PCDHGA6: variants seen among roughly 807,000 people sequenced by gnomAD.
PCDHGA6 encodes protocadherin gamma-A6.
In PCDHGA6, 41 loss-of-function variants were observed where a neutral mutation model predicts 60.6. The observed-to-expected ratio is 0.68, with a 90% confidence interval of 0.53 to 0.88. The LOEUF is 0.88. Ranked by LOEUF, PCDHGA6 falls within the 40% of genes least tolerant of loss-of-function variation. PCDHGA6 has a pLI of 0.00. For synonymous variants in PCDHGA6, 594 were observed against 524.4 expected (o/e 1.13, Z -1.81); for missense variants, 1,312 against 1,203.0 (o/e 1.09, Z -1.34).
chr5:141,430,944 G>C (rs1417018095), intron 1 of PCDHGA6: 1 of 1,609,214 alleles, frequency 6.2e-7, no homozygotes, highest in Non-Finnish European at 8.5e-7. Flanking sequence ...CTCGCGGAGC[G>C]CGGAGTCCGC....
At chr5:141,506,444 CAAAA>C (rs1219684339) in intron 3 of PCDHGA6, among the ~76,000 whole-genome samples, 5 of 95,022 alleles carry the variant, frequency 5.3e-5, no homozygotes, top group Admixed American at 1.1e-4. Context: ...CGCTCTGTCT[CAAAA>C]AAAAAAAAAA....
At chr5:141,393,363 A>T (rs1464639963) in intron 1 of PCDHGA6, 1 of 1,613,930 alleles carries the variant, frequency 6.2e-7, no homozygotes, top group South Asian at 1.1e-5. Flanking sequence ...GGACGTGCAG[A>T]CTGGAGACAA....
At chr5:141,456,918 G>C (rs535602842) in intron 1 of PCDHGA6, among the ~76,000 whole-genome samples, 49 of 152,124 alleles carry the variant, frequency 3.2e-4, no homozygotes, top group African/African-American at 1.2e-3. Context: ...AGCCGAGATC[G>C]CACCACTGCA....
At chr5:141,384,442 T>G in intron 1 of PCDHGA6, 15 of 1,614,046 alleles carry the variant, frequency 9.3e-6, no homozygotes, top group Non-Finnish European at 1.3e-5. Context: ...TGGAGTCCTG[T>G]ACGCGCTGCA....
Position 141,487,165 on chromosome 5 carries a change from C to T in PCDHGA6, c.2425-7642C>T, listed in dbSNP as rs1014219030. The T allele has an allele frequency of 1.9e-6, 3 of 1,612,932 alleles. No homozygotes were observed. The highest frequency in any genetic ancestry group is 2.5e-6 in the Non-Finnish European group (3 of 1,178,918). On this transcript the variant is annotated intron_variant, in intron 1 of 3. Coordinates refer to ENST00000517434, the MANE Select transcript of PCDHGA6 (RefSeq NM_018919.3). The surrounding 1 kb of genome is among the most constrained non-coding windows in gnomAD (Gnocchi z 5.0). ...CTACCTCTGTTACTCTCTTAGTGTC[C>T]TTAGAGGAAGACACTCATCCAGTTG...
chr5:141,392,862 T>C (rs1334405895), intron 1 of PCDHGA6: 2 of 1,612,696 alleles, frequency 1.2e-6, no homozygotes, highest in Non-Finnish European at 1.7e-6. Flanking sequence ...GATCCTGCTG[T>C]GCGCGCTGCT....
At chr5:141,404,892 A>T in intron 1 of PCDHGA6, 1 of 1,613,880 alleles carries the variant, frequency 6.2e-7, no homozygotes, top group African/African-American at 1.3e-5. Context: ...GTGGCTGTAC[A>T]GGACCATGGC....
chr5:141,376,721 C>T (rs938507888), intron 1 of PCDHGA6: 2 of 596,528 alleles, frequency 3.4e-6, no homozygotes, highest in Admixed American at 3.5e-5. Context: ...GCTCTGTCGC[C>T]CAGGCCGGAC....
intron 1 of PCDHGA6, chr5:141,392,992 C>T (rs1233401263): frequency 1.2e-6 from 2 of 1,613,700 alleles, no homozygotes; most frequent in Non-Finnish European, 8.5e-7. Flanking sequence ...CGGAAGCTGG[C>T]GAAGCACGGA....
rs1338955892 is a variant in PCDHGA6, at chr5:141,502,521, T to C, written c.2484-2872T>C. 5.9e-5 allele frequency among the ~76,000 whole-genome samples: 9 copies of C among 152,338 alleles called. No homozygotes were observed. In the East Asian group the frequency reaches 1.7e-3, roughly 29 times the overall value. The stretch of plus-strand genomic sequence containing the variant: ...CGTCGGCCTGTCCCACTATCAGTGA[T>C]GCCGAGTTTGTTCGTGTGGTAAAAA... On this transcript the variant is annotated intron_variant, in intron 2 of 3. Transcript: ENST00000517434.
At position 141,385,121 on chromosome 5, in the gene PCDHGA6, T is replaced by C. The variant is rs748623262; in HGVS notation, c.2424+8614T>C. On this transcript the variant is annotated intron_variant, in intron 1 of 3. Transcript: ENST00000517434. The stretch of plus-strand genomic sequence containing the variant: ...GCGAACGTGCCCACCTCGCACTTTG[T>C]GGGCATGGACGGGGTGCAGGCTTTC... 14 of 1,614,214 alleles carry C rather than the reference T, an allele frequency of 8.7e-6. No homozygotes were observed. The Admixed American group carries it at 2.3e-4, about 27-fold the overall frequency.
intron 1 of PCDHGA6, chr5:141,418,093 C>G: frequency 8.1e-6 from 13 of 1,614,032 alleles, no homozygotes; most frequent in Non-Finnish European, 1.1e-5. Flanking sequence ...TCAGCGTAGA[C>G]GCGCAGAGCG....
At position 141,387,642 on chromosome 5, in the gene PCDHGA6, C is replaced by A. The variant is rs554256672; in HGVS notation, c.2424+11135C>A. The A allele has an allele frequency of 6.9e-5, 43 of 622,250 alleles. No homozygotes were observed. In the African/African-American group the frequency reaches 7.8e-4, roughly 11 times the overall value. 38.5% of individuals were successfully genotyped at this position (622,250 alleles called of 1,614,324 possible). On this transcript the variant is annotated intron_variant, in intron 1 of 3. Transcript: ENST00000517434. ...TGCTGACTCTGGGCGCCGCTGTTGG[C>A]CAAAGTGGAGAGCTTGGCGCTCCAG...
intron 1 of PCDHGA6, chr5:141,414,130 T>C (rs761622500): frequency 6.3e-7 from 1 of 1,594,602 alleles, no homozygotes; most frequent in South Asian, 1.1e-5. Context: ...AACCGGTTTC[T>C]ATGAAATAGA....
At chr5:141,381,826 CTT>C (rs770630741) in intron 1 of PCDHGA6, among the ~76,000 whole-genome samples, 2,382 of 74,222 alleles carry the variant, frequency 0.032, 21 homozygotes, top group African/African-American at 0.07. Context: ...CTTTCTTCTT[CTT>C]TTTTTTTTTT....
intron 1 of PCDHGA6, chr5:141,410,353 C>T: frequency 1.9e-6 from 3 of 1,614,078 alleles, no homozygotes; most frequent in Non-Finnish European, 2.5e-6. Flanking sequence ...GCCTGCGACG[C>T]TCTCTCAGCC....
At chr5:141,504,017 T>G (rs1186684262) in intron 2 of PCDHGA6, among the ~76,000 whole-genome samples, 1 of 152,150 alleles carries the variant, frequency 6.6e-6, no homozygotes, top group Non-Finnish European at 1.5e-5. Context: ...TCTCTGCTGG[T>G]CTCTTCCCAC....
At chr5:141,383,222 T>C in intron 1 of PCDHGA6, 1 of 1,613,962 alleles carries the variant, frequency 6.2e-7, no homozygotes, top group Non-Finnish European at 8.5e-7. Context: ...AACTTTAACA[T>C]CCTGATGGAA....
chr5:141,433,571 C>T lies in PCDHGA6; in HGVS notation c.2424+57064C>T, dbSNP rs2097625242. ...TCTTTTCTGGCTGGGCGCGGTGGCT[C>T]ACGCCTGTAATCCCAGTACTTTGGG... On this transcript the variant is annotated intron_variant, in intron 1 of 3. Coordinates refer to ENST00000517434, the MANE Select transcript of PCDHGA6 (RefSeq NM_018919.3). 3.9e-5 allele frequency among the ~76,000 whole-genome samples: 6 copies of T among 152,228 alleles called. No homozygotes were observed. The South Asian group carries it at 1.2e-3, about 32-fold the overall frequency.
Sources: gnomAD v4.1 joint callset for allele counts (sites outside exome capture counted in the v4.1 genomes callset) on GRCh38, gnomAD v4.1.1 for gene constraint, Gnocchi (gnomAD v3.1) non-coding constraint, MANE v1.5 for transcripts, NCBI Gene and HGNC (gene_info 2026-07-23, HGNC 2026-07-21) for gene names.